The following ARHGAP35 variants were observed in gnomAD, a reference collection of about 807,000 sequenced individuals.
The protein encoded by ARHGAP35 is rho GTPase-activating protein 35.
A neutral mutation model predicts 111.1 loss-of-function variants in ARHGAP35; 15 were observed. The ratio of observed to expected loss-of-function variants is 0.13; its 90% CI spans 0.09 to 0.21. The LOEUF is 0.21. ARHGAP35 is among the 10% of genes least tolerant of loss of function. ARHGAP35 has a pLI of 1.00. For missense variants in ARHGAP35, 1,262 were observed against 1,873.0 expected, an observed-to-expected ratio of 0.67 and a Z score of 6.02; for synonymous variants, 643 against 710.3, an observed-to-expected ratio of 0.91 and a Z score of 1.51.
chr19:46,911,285 TCCCAGGAAATGGTCTATA>T (rs1319037538), intron 1 of ARHGAP35, among the ~76,000 whole-genome samples: 1 of 152,230 alleles, frequency 6.6e-6, no homozygotes, highest in East Asian at 1.9e-4. Flanking sequence ...TTTCTCTGGA[TCCCAGGAAATGGTCTATA>T]CCATTTATTG....
At position 46,877,497 on chromosome 19, in the gene ARHGAP35, G is replaced by T. The variant is rs191271602; in HGVS notation, c.-189+16288G>T. Among the ~76,000 whole-genome samples the T allele has an allele frequency of 1.8e-3, 278 of 152,156 alleles. 2 individuals are homozygous for T. The highest frequency in any genetic ancestry group is 3.4e-3 in the Middle Eastern group (1 of 294). On this transcript the variant is annotated intron_variant, in intron 1 of 6. Coordinates refer to ENST00000672722, the MANE Select transcript of ARHGAP35 (RefSeq NM_004491.5). Reference sequence around the variant, plus strand: ...GAGAATCACTTGAACCTGGGAGGTGGAGGTTGCAGTGAGCCATGATCACAC... The same window carrying T: ...GAGAATCACTTGAACCTGGGAGGTGTAGGTTGCAGTGAGCCATGATCACAC...
chr19:46,930,854 C>T (rs573606840), intron 2 of ARHGAP35, among the ~76,000 whole-genome samples: 2 of 151,650 alleles, frequency 1.3e-5, no homozygotes, highest in Non-Finnish European at 2.9e-5. Flanking sequence ...TCATTGAGGG[C>T]GGGAGACGAC....
At position 46,922,226 on chromosome 19, in the gene ARHGAP35, G is replaced by A; in HGVS notation, c.3551G>A (p.Gly1184Glu). 6.2e-7 allele frequency: 1 copy of A among 1,613,970 alleles called. No homozygotes were observed. ...SFSVGSDDELGPIRKKEEDQA... is the reference protein window; with the variant it reads ...SFSVGSDDELEPIRKKEEDQA... ...AGCGTGGGGAGTGATGATGAGCTGG[G>A]GCCCATCCGGAAGAAAGAGGAGGAT... The change falls in exon 2 of 7, where the codon GGG becomes GAG. Residue 1184 changes from glycine (G) to glutamate (E), a missense_variant. By Grantham distance (98) the Gly-to-Glu change is moderately conservative. This residue lies in a region of ARHGAP35 where 579 missense variants were observed against 716.9 expected (regional missense o/e 0.81). Coordinates refer to ENST00000672722, the MANE Select transcript of ARHGAP35 (RefSeq NM_004491.5). This position sits in a 1 kb window ranked among gnomAD's most constrained non-coding sequence, Gnocchi z 4.0.
Sources: gnomAD v4.1 joint callset for allele counts (sites outside exome capture counted in the v4.1 genomes callset) on GRCh38, gnomAD v4.1.1 for gene constraint, gnomAD v4.1.1 regional missense constraint, Gnocchi (gnomAD v3.1) non-coding constraint, MANE v1.5 for transcripts, NCBI Gene and HGNC (gene_info 2026-07-23, HGNC 2026-07-21) for gene names.